CCT6A: variants seen among roughly 807,000 people sequenced by gnomAD.
CCT6A encodes the protein T-complex protein 1 subunit zeta.
Under a neutral mutation model 58.6 loss-of-function variants are expected in CCT6A, and 6 were observed. The observed-to-expected ratio is 0.10, with a 90% confidence interval of 0.06 to 0.20. The LOEUF is 0.20. CCT6A is among the 10% of genes least tolerant of loss of function. CCT6A has a pLI of 1.00. For synonymous variants in CCT6A, 245 were observed against 227.8 expected, an observed-to-expected ratio of 1.08 and a Z score of -0.68; for missense variants, 516 against 648.8, an observed-to-expected ratio of 0.80 and a Z score of 2.22.
At position 56,058,468 on chromosome 7, in the gene CCT6A, A is replaced by G; in HGVS notation, c.832A>G (p.Lys278Glu). 6.2e-7 allele frequency: 1 copy of G among 1,600,796 alleles called. No individual in the cohort carries two copies. Among genetic ancestry groups the G allele is most frequent in the Non-Finnish European group, 8.5e-7 (1 of 1,176,460 alleles). The change falls in exon 7 of 14, where the codon AAA becomes GAA. Residue 278 changes from lysine (K) to glutamate (E), a missense_variant. Physicochemically the swap from Lys to Glu is moderately conservative, Grantham distance 56. Around this residue, in one of 3 missense-constraint regions of CCT6A, gnomAD observed 315 missense variants for 389.4 expected, o/e 0.81. Transcript: ENST00000275603. ...EDRVKKIIEL[K>E]RKVCGDSDKG... The stretch of plus-strand genomic sequence containing the variant: ...TAGGGTTAAAAAAATAATAGAACTG[A>G]AAAGGAAAGTCTGTGGCGATTCAGA...
Position 56,052,419 on chromosome 7 carries a change from C to T in CCT6A, c.138-3C>T, listed in dbSNP as rs1562846133. 6.2e-7 allele frequency: 1 copy of T among 1,613,478 alleles called. No individual in the cohort carries two copies. Among genetic ancestry groups the T allele is most frequent in the South Asian group, 1.1e-5 (1 of 91,070 alleles). On this transcript the variant is annotated splice_region_variant and splice_polypyrimidine_tract_variant and intron_variant, in intron 1 of 13. Coordinates refer to ENST00000275603, the MANE Select transcript of CCT6A (RefSeq NM_001762.4). ...GTCTGGTTCATTTCTGTCCTTTAAACAGGCTCGTTTCTGGCGCTGGAGACA... is the reference window on the plus strand; with the variant it reads ...GTCTGGTTCATTTCTGTCCTTTAAATAGGCTCGTTTCTGGCGCTGGAGACA...
chr7:56,060,752 T>C (rs1794415660), intron 10 of CCT6A, 55 bp from the exon 11 acceptor site: 4 of 1,566,654 alleles, frequency 2.6e-6, no homozygotes, highest in South Asian at 1.2e-5. Flanking sequence ...TATTTTGTTA[T>C]TCATAATTAG....
At chr7:56,058,219 G>C (rs1666961928) in intron 6 of CCT6A, 116 bp downstream of exon 6, 1 of 862,576 alleles carries the variant, frequency 1.2e-6, no homozygotes, top group Admixed American at 2.4e-5. Context: ...TTGGTTTGGG[G>C]GAGCTATAGG....
intron 5 of CCT6A, among the ~76,000 whole-genome samples, chr7:56,057,656 G>C (rs13238029): frequency 1.3e-5 from 2 of 152,152 alleles, no homozygotes; most frequent in East Asian, 3.9e-4. Context: ...CAAGGCGGGC[G>C]GATCACGAGA....
At position 56,055,940 on chromosome 7, in the gene CCT6A, C is replaced by G. The variant is rs547804462; in HGVS notation, c.510+143C>G. ...TGTGGCAATGATACCTAATCTGTGT[C>G]TCTAAAAATGAGGAAATTAAAATAA... is the stretch of plus-strand genomic sequence containing the variant. On this transcript the variant is annotated intron_variant, in intron 4 of 13. Transcript: ENST00000275603. 4.2e-5 allele frequency: 25 copies of G among 598,432 alleles called. No homozygotes were observed. The South Asian group carries it at 4.4e-4, about 11-fold the overall frequency. The allele number at this position is 598,432 out of a possible 1,614,324, so 37.1% of individuals were successfully genotyped here.
chr7:56,054,029 C>T (rs1350948006), intron 2 of CCT6A, among the ~76,000 whole-genome samples: 2 of 147,870 alleles, frequency 1.4e-5, no homozygotes, highest in African/African-American at 5.0e-5. Flanking sequence ...AGATACCTGG[C>T]TTATTCTCAC....
intron 3 of CCT6A, among the ~76,000 whole-genome samples, chr7:56,054,809 G>A (rs1794269860): frequency 6.6e-6 from 1 of 152,148 alleles, no homozygotes; most frequent in African/African-American, 2.4e-5. Context: ...TTAGGAAAAA[G>A]GCAACCAAAA....
chr7:56,059,695 T>C, intron 9 of CCT6A, 55 bp downstream of exon 9: 3 of 882,744 alleles, frequency 3.4e-6, no homozygotes, highest in Non-Finnish European at 5.7e-6. Flanking sequence ...TGAATTATTT[T>C]TGTTTGTTTG....
intron 9 of CCT6A, 101 bp from the exon 10 acceptor site, chr7:56,060,168 G>A (rs531713276): frequency 1.0e-6 from 1 of 987,926 alleles, no homozygotes; most frequent in South Asian, 1.5e-5. Context: ...GATCAAGTTT[G>A]TTCCTTATTA....
chr7:56,053,557 G>C (rs956260315), intron 2 of CCT6A, among the ~76,000 whole-genome samples: 2 of 152,052 alleles, frequency 1.3e-5, no homozygotes, highest in Non-Finnish European at 2.9e-5. Context: ...TTCACGACCA[G>C]CCCTGGCCAA....
chr7:56,052,100 C>T (rs1235382718), intron 1 of CCT6A, 115 bp downstream of exon 1: 4 of 909,994 alleles, frequency 4.4e-6, no homozygotes, highest in African/African-American at 3.5e-5. Context: ...CCGTCCTTCT[C>T]GGCGTCCTCC....
intron 12 of CCT6A, 105 bp downstream of exon 12, chr7:56,061,954 G>GTT: frequency 1.7e-6 from 1 of 587,578 alleles, no homozygotes; most frequent in Non-Finnish European, 3.0e-6. Flanking sequence ...CACCAGTGCT[G>GTT]TTAGGGAACT....
At chr7:56,059,674 C>G (rs1407835331) in intron 9 of CCT6A, 34 bp downstream of exon 9, 2 of 1,017,334 alleles carry the variant, frequency 2.0e-6, no homozygotes, top group South Asian at 1.3e-5. Flanking sequence ...GTAATAGAAC[C>G]TTTTAGCTCG....
rs2117352749 is a variant in CCT6A at position 56,062,538 on chromosome 7, A to AT, written c.1451-145_1451-144insT. On this transcript the variant is annotated intron_variant, in intron 12 of 13. Transcript: ENST00000275603. ...ATATTGTGGACGGGGGTCATGGTTT[A>AT]GAGTAGAAAATTGGGCTAACAGAGA... 4.2e-6 allele frequency: 3 copies of AT among 718,250 alleles called. 1 individual carries two copies. In the South Asian group the frequency reaches 4.7e-5, roughly 11 times the overall value. The allele number at this position is 718,250 out of a possible 1,614,324, so 44.5% of individuals were successfully genotyped here. A position where few individuals can be genotyped will look rare whatever the true frequency, so the allele number is the denominator to read the frequency against.
chr7:56,060,958 A>G lies in CCT6A; in HGVS notation c.1347+18A>G. 6.3e-7 allele frequency: 1 copy of G among 1,581,602 alleles called. No homozygotes were observed. The highest frequency in any genetic ancestry group is 8.6e-7 in the Non-Finnish European group (1 of 1,167,602). ...TTCCCAAGGTGTGCATGCTTTTAAC[A>G]GTCAATCTTCCAAAAGATTCAGCTG... On this transcript the variant is annotated intron_variant, in intron 11 of 13. Transcript: ENST00000275603.
rs1337380872 is a variant in CCT6A, at chr7:56,061,903, GA to G, written c.1450+56del. ...AAACTAGATGTAATACGTGTGAGTT[GA>G]AGCCAGGAAAGATTAAAAATGTTTT... On this transcript the variant is annotated intron_variant, in intron 12 of 13. Transcript: ENST00000275603. 3.1e-6 allele frequency: 3 copies of G among 967,102 alleles called. No individual in the cohort carries two copies. The Admixed American group carries it at 7.9e-5, about 25-fold the overall frequency. The allele number at this position is 967,102 out of a possible 1,614,324, so 59.9% of individuals were successfully genotyped here. A position where few individuals can be genotyped will look rare whatever the true frequency, so the allele number is the denominator to read the frequency against.
At chr7:56,060,508 A>C (rs1264450492) in intron 10 of CCT6A, 92 bp downstream of exon 10, 1 of 1,338,834 alleles carries the variant, frequency 7.5e-7, no homozygotes, top group African/African-American at 1.4e-5. Context: ...TAGTTTACAC[A>C]GCCAGACACC....
At chr7:56,059,198 G>C (rs1036876342) in intron 8 of CCT6A, among the ~76,000 whole-genome samples, 1 of 151,850 alleles carries the variant, frequency 6.6e-6, no homozygotes, top group Non-Finnish European at 1.5e-5. Flanking sequence ...ATGGGGTTTT[G>C]CCATGTTAGC....
intron 3 of CCT6A, 131 bp downstream of exon 3, chr7:56,054,634 A>G (rs1396010785): frequency 2.5e-6 from 2 of 800,116 alleles, no homozygotes; most frequent in South Asian, 2.2e-5. Flanking sequence ...CTGGGTCTTT[A>G]TCCTGGTCTA....
Sources: gnomAD v4.1 joint callset for allele counts (sites outside exome capture counted in the v4.1 genomes callset) on GRCh38, gnomAD v4.1.1 for gene constraint, gnomAD v4.1.1 regional missense constraint, MANE v1.5 for transcripts, NCBI Gene and HGNC (gene_info 2026-07-23, HGNC 2026-07-21) for gene names.